Variants in DTNB observed in about 807,000 individuals in gnomAD.
The protein encoded by DTNB is DTN-B.
DTNB carries 63 observed loss-of-function variants against 90.7 expected under a neutral mutation model. The observed-to-expected ratio is 0.69, with a 90% CI of 0.57 to 0.86. DTNB has a LOEUF of 0.86. Ranked by LOEUF, DTNB falls within the 40% of genes least tolerant of loss-of-function variation. The pLI, the probability that DTNB is intolerant of heterozygous loss-of-function variation, is 0.00. For missense variants in DTNB, 744 were observed against 807.1 expected (o/e 0.92, Z 0.95); for synonymous variants, 277 against 286.7 (o/e 0.97, Z 0.34).
rs549360996 is a variant in DTNB at position 25,620,247 on chromosome 2, G to A, written c.362+7924C>T. ...AATTAGAGGTTGGTGTGGGCAGGGA[G>A]GTAAGCAGTGTTATCATTAAACCAA... On this transcript the variant is annotated intron_variant, in intron 4 of 20. Coordinates refer to ENST00000406818, the MANE Select transcript of DTNB (RefSeq NM_021907.5). Among the ~76,000 whole-genome samples, 13 of 152,180 alleles carry A rather than the reference G, an allele frequency of 8.5e-5. No homozygotes were observed. In the South Asian group the frequency reaches 2.7e-3, roughly 32 times the overall value.
At chr2:25,485,169 T>C (rs1447595591) in intron 9 of DTNB, among the ~76,000 whole-genome samples, 3 of 152,118 alleles carry the variant, frequency 2.0e-5, no homozygotes, top group Non-Finnish European at 4.4e-5. Flanking sequence ...TATATATATA[T>C]TTTTTAATTT....
At chr2:25,589,742 CT>C (rs1371339697) in intron 6 of DTNB, among the ~76,000 whole-genome samples, 2 of 152,188 alleles carry the variant, frequency 1.3e-5, no homozygotes, top group African/African-American at 4.8e-5. Flanking sequence ...ACTCTTCGAA[CT>C]AAAGTCAATA....
chr2:25,616,868 C>A (rs2070758372), intron 4 of DTNB, among the ~76,000 whole-genome samples: 1 of 134,396 alleles, frequency 7.4e-6, no homozygotes, highest in Non-Finnish European at 1.5e-5. Flanking sequence ...GGAGGCGGAG[C>A]TTGCAGTGAG....
chr2:25,518,214 C>T (rs2075478167), intron 9 of DTNB, among the ~76,000 whole-genome samples: 1 of 148,812 alleles, frequency 6.7e-6, no homozygotes, highest in African/African-American at 2.5e-5. Flanking sequence ...TTTTTATCCA[C>T]AATAAAAAAA....
chr2:25,618,441 T>G (rs1052108700), intron 4 of DTNB, among the ~76,000 whole-genome samples: 1 of 152,210 alleles, frequency 6.6e-6, no homozygotes, highest in Non-Finnish European at 1.5e-5. Context: ...GCACATGTCC[T>G]CACCAATGTC....
chr2:25,544,331 C>T (rs137901847), intron 8 of DTNB, among the ~76,000 whole-genome samples: 1 of 152,334 alleles, frequency 6.6e-6, no homozygotes, highest in Non-Finnish European at 1.5e-5. Context: ...AAAACTTTTT[C>T]TTGAGCTCAG....
At chr2:25,638,103 G>T (rs140729652) in intron 3 of DTNB, among the ~76,000 whole-genome samples, 1 of 152,114 alleles carries the variant, frequency 6.6e-6, no homozygotes, top group Non-Finnish European at 1.5e-5. Flanking sequence ...GCAAACTATC[G>T]CAAGGACAGA....
At position 25,482,785 on chromosome 2, in the gene DTNB, G is replaced by T. The variant is rs1181411801; in HGVS notation, c.1079+11C>A. The T allele has an allele frequency of 6.2e-7, 1 of 1,613,568 alleles. No individual in the cohort carries two copies. ...GCCAACACCCAAGTCGAAGGCACAAGACATACGTACCTCTTGGTGGGAGTG... is the reference window on the plus strand; with the variant it reads ...GCCAACACCCAAGTCGAAGGCACAATACATACGTACCTCTTGGTGGGAGTG... On this transcript the variant is annotated intron_variant, in intron 10 of 20. Coordinates refer to ENST00000406818, the MANE Select transcript of DTNB (RefSeq NM_021907.5).
At chr2:25,522,551 C>T (rs981377328) in intron 9 of DTNB, among the ~76,000 whole-genome samples, 1 of 152,038 alleles carries the variant, frequency 6.6e-6, no homozygotes, top group Non-Finnish European at 1.5e-5. Context: ...ATTTTTGTGA[C>T]ATGATTAACT....
At chr2:25,534,665 G>A (rs1368763770) in intron 8 of DTNB, among the ~76,000 whole-genome samples, 1 of 144,976 alleles carries the variant, frequency 6.9e-6, no homozygotes, top group Non-Finnish European at 1.5e-5. Flanking sequence ...AGACGGGGTG[G>A]CGGCCGGACA....
chr2:25,538,358 T>C (rs994830338), intron 8 of DTNB, among the ~76,000 whole-genome samples: 6 of 152,200 alleles, frequency 3.9e-5, no homozygotes, highest in Non-Finnish European at 8.8e-5. Flanking sequence ...TGAACTACAA[T>C]AGTGCCACTG....
chr2:25,507,702 G>C (rs142631303), intron 9 of DTNB, among the ~76,000 whole-genome samples: 1 of 152,270 alleles, frequency 6.6e-6, no homozygotes, highest in Non-Finnish European at 1.5e-5. Context: ...ACAGCGGCCA[G>C]AAAGAACATC....
At chr2:25,467,803 G>A (rs2062072142) in intron 10 of DTNB, among the ~76,000 whole-genome samples, 2 of 152,128 alleles carry the variant, frequency 1.3e-5, no homozygotes, top group Non-Finnish European at 2.9e-5. Context: ...CAAAGGGTCC[G>A]ATAGTAAATA....
intron 15 of DTNB, among the ~76,000 whole-genome samples, chr2:25,427,273 C>G (rs1048986152): frequency 1.3e-5 from 2 of 151,570 alleles, no homozygotes; most frequent in Non-Finnish European, 2.9e-5. Context: ...AGCTAATATC[C>G]TATTTATAAA....
chr2:25,591,368 C>T (rs1396007434), intron 6 of DTNB, among the ~76,000 whole-genome samples: 3 of 152,206 alleles, frequency 2.0e-5, no homozygotes, highest in Non-Finnish European at 4.4e-5. Flanking sequence ...AGCATGCAGC[C>T]CCAGCCACGC....
At chr2:25,525,077 C>T (rs2150844066) in intron 9 of DTNB, among the ~76,000 whole-genome samples, 1 of 152,214 alleles carries the variant, frequency 6.6e-6, no homozygotes, top group Admixed American at 6.5e-5. Context: ...AATGGAATAC[C>T]ATTGGAGATT....
chr2:25,602,601 G>C (rs546753282), intron 5 of DTNB, among the ~76,000 whole-genome samples: 5 of 152,160 alleles, frequency 3.3e-5, no homozygotes, highest in Non-Finnish European at 7.4e-5. Context: ...GAAGCAAACA[G>C]TTGAAACATC....
intron 11 of DTNB, among the ~76,000 whole-genome samples, chr2:25,454,709 A>C (rs566260495): frequency 6.6e-6 from 1 of 152,224 alleles, no homozygotes; most frequent in African/African-American, 2.4e-5. Context: ...GCAGTTATCA[A>C]ACGTTTTTCC....
intron 5 of DTNB, among the ~76,000 whole-genome samples, chr2:25,603,338 G>A (rs1189713761): frequency 1.3e-5 from 2 of 152,068 alleles, no homozygotes; most frequent in African/African-American, 4.8e-5. Flanking sequence ...AATTTTGATT[G>A]TGCTTTTAAT....
Sources: gnomAD v4.1 joint callset for allele counts (sites outside exome capture counted in the v4.1 genomes callset) on GRCh38, gnomAD v4.1.1 for gene constraint, MANE v1.5 for transcripts, NCBI Gene and HGNC (gene_info 2026-07-23, HGNC 2026-07-21) for gene names.